The following NAALADL2 variants were observed in gnomAD, a reference collection of about 807,000 sequenced individuals.
NAALADL2 encodes N-acetylated alpha-linked acidic dipeptidase like 2.
Under a neutral mutation model 87.2 loss-of-function variants are expected in NAALADL2, and 76 were observed. The observed-to-expected ratio is 0.87, with a 90% confidence interval of 0.72 to 1.05. The LOEUF (loss-of-function observed/expected upper bound fraction) is 1.05. NAALADL2 is among the 50% of genes least tolerant of loss of function. The pLI is 0.00. For missense variants in NAALADL2, 1,089 were observed against 945.8 expected, an observed-to-expected ratio of 1.15 and a Z score of -1.99; for synonymous variants, 354 against 331.0, an observed-to-expected ratio of 1.07 and a Z score of -0.75.
intron 1 of NAALADL2, among the ~76,000 whole-genome samples, chr3:174,977,131 C>G (rs73048921): frequency 6.6e-6 from 1 of 152,096 alleles, no homozygotes; most frequent in Non-Finnish European, 1.5e-5. Context: ...TGAAATAAGC[C>G]AGGCCCAGAA....
intron 5 of NAALADL2, among the ~76,000 whole-genome samples, chr3:175,345,666 T>A (rs752311633): frequency 2.0e-5 from 3 of 152,004 alleles, no homozygotes; most frequent in Admixed American, 6.6e-5. Context: ...GGAGGAGAAA[T>A]GGTAGCATGG....
At chr3:174,545,314 A>G in intron 1 of NAALADL2, among the ~76,000 whole-genome samples, 1 of 152,190 alleles carries the variant, frequency 6.6e-6, no homozygotes, top group East Asian at 1.9e-4. Context: ...TGTCATTTCT[A>G]GGCCAGGTAA....
chr3:174,793,527 A>G (rs1291982515), intron 3 of NAALADL2, among the ~76,000 whole-genome samples: 1 of 152,152 alleles, frequency 6.6e-6, no homozygotes, highest in African/African-American at 2.4e-5. Flanking sequence ...AGCTGTGGTC[A>G]AATCATGTGT....
At chr3:175,133,494 C>A (rs9831820) in intron 2 of NAALADL2, among the ~76,000 whole-genome samples, 1 of 152,186 alleles carries the variant, frequency 6.6e-6, no homozygotes, top group East Asian at 1.9e-4. Context: ...CCGAGGCTGG[C>A]GGATCACTCG....
At position 175,808,188 on chromosome 3, in the gene NAALADL2, G is replaced by A. The variant is rs1043165840; in HGVS notation, c.*4985G>A. On this transcript the variant is annotated 3_prime_UTR_variant, in exon 14 of 14. Coordinates refer to ENST00000454872, the MANE Select transcript of NAALADL2 (RefSeq NM_207015.3). ...GGACCGTCAAGAATCTTGTTACCCTGATTATTGCAAGATGACATATTTCTT... is the reference window on the plus strand; with the variant it reads ...GGACCGTCAAGAATCTTGTTACCCTAATTATTGCAAGATGACATATTTCTT... The A allele has an allele frequency of 1.3e-5, 2 of 151,840 alleles. No homozygotes were observed. The highest frequency in any genetic ancestry group is 1.3e-4 in the Admixed American group (2 of 15,186). 9.4% of individuals were successfully genotyped at this position (151,840 alleles called of 1,614,324 possible). A position where few individuals can be genotyped will look rare whatever the true frequency, so the allele number is the denominator to read the frequency against.
At chr3:175,488,877 A>G (rs1372622695) in intron 9 of NAALADL2, among the ~76,000 whole-genome samples, 1 of 152,218 alleles carries the variant, frequency 6.6e-6, no homozygotes, top group African/African-American at 2.4e-5. Flanking sequence ...ACTGGTTATA[A>G]GCCAGATATA....
At chr3:174,888,063 A>G (rs748553166) in intron 1 of NAALADL2, among the ~76,000 whole-genome samples, 40 of 152,166 alleles carry the variant, frequency 2.6e-4, no homozygotes, top group Admixed American at 1.3e-4. Flanking sequence ...AGGATATAAT[A>G]TTGACCTGAT....
chr3:174,485,179 A>G (rs1048622080), intron 1 of NAALADL2, among the ~76,000 whole-genome samples: 3 of 152,008 alleles, frequency 2.0e-5, no homozygotes, highest in African/African-American at 7.2e-5. Context: ...TAAACCTAAA[A>G]ATGAAGTATA....
At chr3:175,060,001 G>T in intron 1 of NAALADL2, 1 of 429,920 alleles carries the variant, frequency 2.3e-6, no homozygotes, top group East Asian at 7.7e-5. Context: ...ATGGAGGCCA[G>T]CAGGGCTTTT....
At chr3:174,574,617 T>A (rs535873760) in intron 2 of NAALADL2, among the ~76,000 whole-genome samples, 1 of 152,266 alleles carries the variant, frequency 6.6e-6, no homozygotes, top group East Asian at 1.9e-4. Flanking sequence ...ATTATGCATA[T>A]CCATCATTCA....
chr3:175,668,487 G>A (rs1314133358), intron 11 of NAALADL2, among the ~76,000 whole-genome samples: 27 of 151,948 alleles, frequency 1.8e-4, no homozygotes, highest in Admixed American at 1.2e-3. Flanking sequence ...CACTACACAC[G>A]AATGAGTTTG....
intron 13 of NAALADL2, among the ~76,000 whole-genome samples, chr3:175,758,615 G>C (rs1242555567): frequency 6.6e-6 from 1 of 151,694 alleles, no homozygotes; most frequent in Admixed American, 6.6e-5. Context: ...AATTACAATA[G>C]GATTTCCACT....
chr3:175,084,815 A>G (rs551430548), intron 1 of NAALADL2, among the ~76,000 whole-genome samples: 1 of 152,322 alleles, frequency 6.6e-6, no homozygotes, highest in East Asian at 1.9e-4. Flanking sequence ...TTGAGAAAAA[A>G]TTTAAAGGTA....
chr3:175,191,031 C>T (rs965325116), intron 2 of NAALADL2, among the ~76,000 whole-genome samples: 6 of 147,778 alleles, frequency 4.1e-5, no homozygotes, highest in Admixed American at 2.7e-4. Context: ...GTAGAATGAA[C>T]GAGTCTAGAA....
At chr3:175,662,506 C>T (rs1464336109) in intron 11 of NAALADL2, among the ~76,000 whole-genome samples, 1 of 151,920 alleles carries the variant, frequency 6.6e-6, no homozygotes, top group Non-Finnish European at 1.5e-5. Flanking sequence ...ATTGCCCTGG[C>T]TAGGACTTCC....
chr3:174,603,726 C>T (rs1199409836), intron 2 of NAALADL2, among the ~76,000 whole-genome samples: 1 of 151,940 alleles, frequency 6.6e-6, no homozygotes, highest in Non-Finnish European at 1.5e-5. Context: ...CTATAAACAG[C>T]CCTCTTAGTA....
At chr3:174,641,094 G>A (rs1271705731) in intron 2 of NAALADL2, among the ~76,000 whole-genome samples, 1 of 152,168 alleles carries the variant, frequency 6.6e-6, no homozygotes, top group Non-Finnish European at 1.5e-5. Flanking sequence ...ATTGACCTGG[G>A]CGGGCCTGGC....
chr3:175,530,464 A>C (rs1355144606), intron 9 of NAALADL2, among the ~76,000 whole-genome samples: 1 of 152,204 alleles, frequency 6.6e-6, no homozygotes, highest in Admixed American at 6.5e-5. Context: ...CACTGCTTGA[A>C]GTTCTGCCCA....
At chr3:175,625,663 T>C (rs190409407) in intron 10 of NAALADL2, among the ~76,000 whole-genome samples, 1 of 152,084 alleles carries the variant, frequency 6.6e-6, no homozygotes, top group Non-Finnish European at 1.5e-5. Flanking sequence ...AGTTTCATGA[T>C]ATAGGAATGA....
Sources: allele counts gnomAD v4.1 joint callset (sites outside exome capture counted in the v4.1 genomes callset), GRCh38; gene constraint gnomAD v4.1.1; transcripts MANE v1.5; gene names NCBI Gene and HGNC (gene_info 2026-07-23, HGNC 2026-07-21).